FAM149B1: variants seen among roughly 807,000 people sequenced by gnomAD.
FAM149B1 encodes family with sequence similarity 149 member B1, also known as primary cilium assembly protein FAM149B1.
FAM149B1 carries 56 observed loss-of-function variants against 75.3 expected under a neutral mutation model. That is an observed-to-expected ratio of 0.74 (90% confidence interval 0.60 to 0.93). The LOEUF is 0.93. Among genes scored for constraint, FAM149B1 ranks in the 40% least tolerant of loss-of-function variants. The pLI, the probability that FAM149B1 is intolerant of heterozygous loss-of-function variation, is 0.00. For synonymous variants in FAM149B1, 259 were observed against 256.1 expected (o/e 1.01, Z -0.11); for missense variants, 639 against 708.4 (o/e 0.90, Z 1.11).
intron 9 of FAM149B1, among the ~76,000 whole-genome samples, chr10:73,231,720 G>A (rs982870733): frequency 2.6e-5 from 4 of 152,132 alleles, no homozygotes; most frequent in African/African-American, 4.8e-5. Flanking sequence ...CTCTGTTGGC[G>A]GAAAAGATGG....
At chr10:73,199,197 T>TTTGTTGTTGTTGTTGTTG (rs3998310) in intron 5 of FAM149B1, among the ~76,000 whole-genome samples, 47 of 146,560 alleles carry the variant, frequency 3.2e-4, no homozygotes, top group South Asian at 2.0e-3. Context: ...GTTATCCTTT[T>TTTGTTGTTGTTGTTGTTG]TTGTTGTTGT....
At position 73,208,776 on chromosome 10, in the gene FAM149B1, C is replaced by T. The variant is rs1197590755; in HGVS notation, c.700C>T (p.His234Tyr). The T allele has an allele frequency of 2.0e-6, 3 of 1,512,338 alleles. No individual in the cohort carries two copies. Among genetic ancestry groups the T allele is most frequent in the East Asian group, 5.0e-5 (2 of 40,146 alleles). 93.7% of individuals were successfully genotyped at this position (1,512,338 alleles called of 1,614,324 possible). A position where few individuals can be genotyped will look rare whatever the true frequency, so the allele number is the denominator to read the frequency against. The change falls in exon 6 of 14, where the codon CAC becomes TAC. Residue 234 changes from histidine to tyrosine, a missense_variant. Transcript: ENST00000242505. ...GIIEEYLAFD[H>Y]IDIEEGFHGK... ...AATTGAGGAATACCTAGCATTCGAT[C>T]ACATAGATATGTGAGTATTATGCCT...
chr10:73,201,408 T>C (rs1310047360), intron 5 of FAM149B1, among the ~76,000 whole-genome samples: 2 of 152,240 alleles, frequency 1.3e-5, no homozygotes, highest in East Asian at 3.8e-4. Flanking sequence ...AGGAAAATCA[T>C]TGGCTTTATC....
intron 5 of FAM149B1, chr10:73,200,263 C>T (rs1158457613): frequency 8.3e-5 from 22 of 265,650 alleles, no homozygotes; most frequent in Admixed American, 1.7e-4. Context: ...ACCTGGGAGG[C>T]GGAGGTTGCA....
rs1327731335 is a variant in FAM149B1, at chr10:73,230,256, A to C, written c.1024-166A>C. 9.2e-6 allele frequency: 5 copies of C among 542,948 alleles called. No homozygotes were observed. The East Asian group carries it at 1.6e-4, about 17-fold the overall frequency. The allele number at this position is 542,948 out of a possible 1,614,324, so 33.6% of individuals were successfully genotyped here. ...AAAGGAGGGACCCTATCACATGGAC[A>C]GTTGACTTGGGGCCCCAGCTACGGG... On this transcript the variant is annotated intron_variant, in intron 8 of 13. Coordinates refer to ENST00000242505, the MANE Select transcript of FAM149B1 (RefSeq NM_173348.2).
intron 7 of FAM149B1, among the ~76,000 whole-genome samples, chr10:73,217,736 C>A (rs1166635299): frequency 6.6e-6 from 1 of 152,146 alleles, no homozygotes; most frequent in Non-Finnish European, 1.5e-5. Flanking sequence ...ATCTATTGGT[C>A]TGAAGCAAGT....
At chr10:73,176,394 C>T (rs1286997143) in intron 2 of FAM149B1, among the ~76,000 whole-genome samples, 1 of 152,100 alleles carries the variant, frequency 6.6e-6, no homozygotes, top group African/African-American at 2.4e-5. Context: ...CCCCGGGGTT[C>T]GGGACCCCTG....
At chr10:73,183,430 C>T (rs191666342) in intron 3 of FAM149B1, 1 of 152,268 alleles carries the variant, frequency 6.6e-6, no homozygotes, top group Admixed American at 6.5e-5. Context: ...TGAAACAGTT[C>T]TCACACAGAG....
intron 7 of FAM149B1, among the ~76,000 whole-genome samples, chr10:73,212,734 G>C (rs1398544276): frequency 6.6e-6 from 1 of 152,150 alleles, no homozygotes; most frequent in Non-Finnish European, 1.5e-5. Context: ...AGTTTATACA[G>C]TGTTCCCTTT....
chr10:73,237,911 C>G (rs903557892), intron 12 of FAM149B1, among the ~76,000 whole-genome samples: 1 of 151,928 alleles, frequency 6.6e-6, no homozygotes, highest in African/African-American at 2.4e-5. Context: ...TTTTTGATTG[C>G]CTTAGGAATA....
intron 7 of FAM149B1, among the ~76,000 whole-genome samples, chr10:73,220,582 C>T (rs1284138390): frequency 2.0e-5 from 3 of 152,080 alleles, no homozygotes; most frequent in African/African-American, 7.2e-5. Flanking sequence ...TTGTTTCCCC[C>T]CTAAAATTCA....
At chr10:73,239,418 G>C in intron 13 of FAM149B1, 34 bp downstream of exon 13, 8 of 1,495,808 alleles carry the variant, frequency 5.3e-6, no homozygotes, top group Non-Finnish European at 7.3e-6. Context: ...ATTTACTACT[G>C]TGTGGTTGTG....
At chr10:73,198,610 G>GC (rs965820881) in intron 5 of FAM149B1, among the ~76,000 whole-genome samples, 3 of 152,152 alleles carry the variant, frequency 2.0e-5, no homozygotes, top group African/African-American at 7.2e-5. Context: ...TTCAAGACCA[G>GC]CCTGGCTAAC....
intron 4 of FAM149B1, among the ~76,000 whole-genome samples, chr10:73,192,930 A>G (rs1453511434): frequency 1.3e-5 from 2 of 152,202 alleles, no homozygotes; most frequent in Non-Finnish European, 2.9e-5. Context: ...TATTTCTACA[A>G]CAGCAGCTGA....
At chr10:73,227,934 T>C in intron 7 of FAM149B1, 126 bp from the exon 8 acceptor site, 1 of 1,015,974 alleles carries the variant, frequency 9.8e-7, no homozygotes. Flanking sequence ...GGCATAAAAT[T>C]GTACTGCAAA....
chr10:73,224,750 G>T (rs2043497720), intron 7 of FAM149B1, among the ~76,000 whole-genome samples: 1 of 152,170 alleles, frequency 6.6e-6, no homozygotes. Context: ...GGGATCACAG[G>T]TGTGAGCCAC....
chr10:73,168,378 C>G lies in FAM149B1; in HGVS notation c.39C>G (p.Ser13Arg). The G allele has an allele frequency of 6.5e-7, 1 of 1,549,908 alleles. No individual in the cohort carries two copies. Among genetic ancestry groups the G allele is most frequent in the Non-Finnish European group, 8.7e-7 (1 of 1,146,796 alleles). ...ACACTCGGAAGGCGGTGCCACAGAG[C>G]TTGGAGCTGTGAGTGGACTGCTCAG... Reference protein sequence around the residue: ...SRYTRKAVPQSLELKGITKHA... With the variant: ...SRYTRKAVPQRLELKGITKHA... Residue 13 changes from serine to arginine, a missense_variant, in exon 1 of 14, where the codon AGC becomes AGG. Coordinates refer to ENST00000242505, the MANE Select transcript of FAM149B1 (RefSeq NM_173348.2).
intron 12 of FAM149B1, among the ~76,000 whole-genome samples, chr10:73,237,433 T>C (rs77261272): frequency 6.6e-6 from 1 of 152,148 alleles, no homozygotes; most frequent in Non-Finnish European, 1.5e-5. Flanking sequence ...TTTTTTTTTT[T>C]TGAGACGGAG....
intron 3 of FAM149B1, among the ~76,000 whole-genome samples, chr10:73,186,007 A>G (rs1272520263): frequency 6.6e-6 from 1 of 152,150 alleles, no homozygotes; most frequent in Non-Finnish European, 1.5e-5. Context: ...ACTACAAACC[A>G]GTATGCCTCT....
Sources: gnomAD v4.1 joint callset for allele counts (sites outside exome capture counted in the v4.1 genomes callset) on GRCh38, gnomAD v4.1.1 for gene constraint, MANE v1.5 for transcripts, NCBI Gene and HGNC (gene_info 2026-07-23, HGNC 2026-07-21) for gene names.